CLASP2: variants seen among roughly 807,000 people sequenced by gnomAD.
CLASP2 encodes the protein cytoplasmic linker associated protein 2.
CLASP2 carries 47 observed loss-of-function variants against 194.4 expected under a neutral mutation model. That is an observed-to-expected ratio of 0.24 (90% CI 0.19 to 0.31). CLASP2 has a LOEUF of 0.31. Among genes scored for constraint, CLASP2 ranks in the 10% least tolerant of loss-of-function variants. The probability of loss-of-function intolerance (pLI) is 1.00; values close to 1 mark genes in which losing one functional copy is unlikely to be tolerated. For missense variants in CLASP2, 1,445 were observed against 1,823.6 expected, an observed-to-expected ratio of 0.79 and a Z score of 3.78; for synonymous variants, 619 against 633.5, an observed-to-expected ratio of 0.98 and a Z score of 0.34.
At chr3:33,610,012 A>AT (rs1276406990) in intron 13 of CLASP2, among the ~76,000 whole-genome samples, 5 of 152,176 alleles carry the variant, frequency 3.3e-5, no homozygotes, top group African/African-American at 1.2e-4. Context: ...TCTATATCCA[A>AT]TTATCAAGTC....
Position 33,517,148 on chromosome 3 carries a change from C to A in CLASP2, c.3814G>T (p.Val1272Phe). The change falls in exon 35 of 39, where the codon GTT (valine) becomes TTT (phenylalanine). Residue 1272 changes from valine (V) to phenylalanine (F), a missense_variant. Physicochemically the swap from Val to Phe is conservative, Grantham distance 50. Coordinates refer to ENST00000682230, the MANE Select transcript of CLASP2 (RefSeq NM_001365631.1). ...GACAGCTCCTTCAACAACTCTGCAA[C>A]TAGGTCAGAATGATCTAGGGAAAGA... Reference protein sequence around the residue: ...DDLSLDHSDLVAELLKELSNH... With the variant: ...DDLSLDHSDLFAELLKELSNH... The A allele has an allele frequency of 6.2e-7, 1 of 1,612,972 alleles. No homozygotes were observed. The highest frequency in any genetic ancestry group is 8.5e-7 in the Non-Finnish European group (1 of 1,179,588).
intron 6 of CLASP2, among the ~76,000 whole-genome samples, chr3:33,667,406 CAAAAAAAAAA>C (rs537846651): frequency 2.3e-5 from 1 of 44,148 alleles, no homozygotes; most frequent in Admixed American, 2.9e-4. Context: ...GAGACTATCT[CAAAAAAAAAA>C]AAAAAAAAAA....
intron 21 of CLASP2, 100 bp from the exon 22 acceptor site, chr3:33,585,020 G>T: frequency 1.0e-6 from 1 of 998,104 alleles, no homozygotes; most frequent in Non-Finnish European, 1.4e-6. Flanking sequence ...AGAGAAAACT[G>T]TGACAGTATG....
chr3:33,603,153 A>G (rs372797740), intron 17 of CLASP2, 28 bp from the exon 18 acceptor site: 546 of 1,514,490 alleles, frequency 3.6e-4, no homozygotes, highest in Non-Finnish European at 4.6e-4. Flanking sequence ...AAGATAACTT[A>G]TATCATTTAA....
intron 7 of CLASP2, among the ~76,000 whole-genome samples, chr3:33,661,691 T>C (rs569217906): frequency 6.6e-6 from 1 of 152,136 alleles, no homozygotes; most frequent in Non-Finnish European, 1.5e-5. Flanking sequence ...AATGGGAACG[T>C]CATCAAGGCC....
At chr3:33,669,353 G>A (rs2086739240) in intron 6 of CLASP2, among the ~76,000 whole-genome samples, 1 of 151,946 alleles carries the variant, frequency 6.6e-6, no homozygotes, top group Non-Finnish European at 1.5e-5. Flanking sequence ...CATACATTAG[G>A]GTAAGCAAAG....
intron 33 of CLASP2, among the ~76,000 whole-genome samples, chr3:33,536,048 T>C (rs894064884): frequency 6.6e-6 from 1 of 152,118 alleles, no homozygotes; most frequent in East Asian, 1.9e-4. Context: ...ATCAAAATAA[T>C]TACTACCATG....
chr3:33,667,417 A>AAAAAAAAAAAG (rs1353559233), intron 6 of CLASP2, among the ~76,000 whole-genome samples: 2 of 150,870 alleles, frequency 1.3e-5, no homozygotes, highest in East Asian at 3.9e-4. Flanking sequence ...AAAAAAAAAA[A>AAAAAAAAAAAG]AAAAAAAAAA....
chr3:33,559,324 G>T lies in CLASP2; in HGVS notation c.2992C>A (p.Gln998Lys). 1.3e-6 allele frequency: 2 copies of T among 1,585,782 alleles called. No homozygotes were observed. The highest frequency in any genetic ancestry group is 1.7e-6 in the Non-Finnish European group (2 of 1,159,266). Residue 998 changes from glutamine to lysine, a missense_variant, in exon 29 of 39, where the codon CAG becomes AAG. Gln to Lys is a moderately conservative substitution (Grantham distance 53). This residue lies in a region of CLASP2 where 732 missense variants were observed against 987.9 expected (regional missense o/e 0.74). Transcript: ENST00000682230. The part of the protein sequence containing the change: ...ILMRFTVDQT[Q>K]TPSLKVKVAI... ...AGTTTTACCTTTAAGCTTGGTGTCTGGGTCTGATCAACTGTAAATCTCATT... is the reference window on the plus strand; with the variant it reads ...AGTTTTACCTTTAAGCTTGGTGTCTTGGTCTGATCAACTGTAAATCTCATT...
At chr3:33,515,299 T>G (rs972492547) in intron 36 of CLASP2, among the ~76,000 whole-genome samples, 1 of 152,156 alleles carries the variant, frequency 6.6e-6, no homozygotes, top group East Asian at 1.9e-4. Flanking sequence ...ATGTCACTGG[T>G]GAAGAAGGGG....
intron 1 of CLASP2, among the ~76,000 whole-genome samples, chr3:33,698,530 C>T (rs1446984787): frequency 6.6e-6 from 1 of 152,056 alleles, no homozygotes; most frequent in Non-Finnish European, 1.5e-5. Flanking sequence ...GGCAAGAACA[C>T]GAAGAAGAAT....
At chr3:33,629,262 G>A (rs1006004037) in intron 9 of CLASP2, among the ~76,000 whole-genome samples, 2 of 152,146 alleles carry the variant, frequency 1.3e-5, no homozygotes, top group African/African-American at 2.4e-5. Context: ...ACCCAGCCAC[G>A]TTAAGAGATA....
Position 33,566,586 on chromosome 3 carries a change from T to C in CLASP2, c.2766+146A>G, listed in dbSNP as rs2062774221. ...AAAAGCATATCTCCAAACAGAATGA[T>C]AGTTTGCATAACTGCAAATAGCATT... On this transcript the variant is annotated intron_variant, in intron 27 of 38. Transcript: ENST00000682230. The C allele has an allele frequency of 3.7e-5, 10 of 273,532 alleles. No homozygotes were observed. The Admixed American group carries it at 4.5e-4, about 12-fold the overall frequency. 16.9% of individuals were successfully genotyped at this position (273,532 alleles called of 1,614,324 possible).
intron 16 of CLASP2, 110 bp from the exon 17 acceptor site, chr3:33,604,319 T>TA: frequency 2.1e-5 from 16 of 758,772 alleles, no homozygotes; most frequent in Admixed American, 5.3e-5. Context: ...ATTTCTTTTT[T>TA]CTTTTTTTTT....
At position 33,551,979 on chromosome 3, in the gene CLASP2, T is replaced by C. The variant is rs564892463; in HGVS notation, c.3010-584A>G. ...TTTGGTAAAACACAGACTCACACAA[T>C]GAGATGAGGTTCCTTAATGAGTCCA... On this transcript the variant is annotated intron_variant, in intron 29 of 38. Transcript: ENST00000682230. Among the ~76,000 whole-genome samples the C allele has an allele frequency of 1.2e-4, 17 of 144,980 alleles. No individual in the cohort carries two copies. In the South Asian group the frequency reaches 3.5e-3, roughly 30 times the overall value.
At chr3:33,672,775 T>G (rs1014652919) in intron 6 of CLASP2, among the ~76,000 whole-genome samples, 1 of 152,108 alleles carries the variant, frequency 6.6e-6, no homozygotes, top group African/African-American at 2.4e-5. Flanking sequence ...AAGCCCAGGC[T>G]CGAGAACTAC....
Position 33,503,726 on chromosome 3 carries a change from C to A in CLASP2, c.4318-1958G>T, listed in dbSNP as rs559628395. 2.0e-5 allele frequency: 3 copies of A among 152,232 alleles called. No individual in the cohort carries two copies. The East Asian group carries it at 5.8e-4, about 29-fold the overall frequency. 9.4% of individuals were successfully genotyped at this position (152,232 alleles called of 1,614,324 possible). On this transcript the variant is annotated intron_variant, in intron 37 of 38. Transcript: ENST00000682230. ...TACAGGTGTGAGCCACCGTGCCCGG[C>A]CTTTATGTTAACTTTTTGAGGAACT... is the stretch of plus-strand genomic sequence containing the variant.
At chr3:33,677,469 C>CTG (rs2088931907) in intron 6 of CLASP2, among the ~76,000 whole-genome samples, 1 of 149,782 alleles carries the variant, frequency 6.7e-6, no homozygotes, top group Non-Finnish European at 1.5e-5. Flanking sequence ...AAACCAAACA[C>CTG]CGCGTATTCT....
At position 33,688,300 on chromosome 3, in the gene CLASP2, C is replaced by A. The variant is rs760626781; in HGVS notation, c.447G>T (p.Leu149=). The change falls in exon 4 of 39, where the codon CTG becomes CTT. Residue 149 remains leucine, a synonymous_variant. Coordinates refer to ENST00000682230, the MANE Select transcript of CLASP2 (RefSeq NM_001365631.1). ...KNFRSREGVC[L]CLIETLNIFG... ...ACATGTTTAAGGTTTCAATAAGACA[C>A]AGACACACGCCTTCTCGAGATCGAA... 1 of 1,587,810 alleles carries A rather than the reference C, an allele frequency of 6.3e-7. No individual in the cohort carries two copies. The highest frequency in any genetic ancestry group is 1.8e-5 in the Admixed American group (1 of 56,492).
Sources: allele counts gnomAD v4.1 joint callset (sites outside exome capture counted in the v4.1 genomes callset), GRCh38; gene constraint gnomAD v4.1.1; regional missense constraint gnomAD v4.1.1; transcripts MANE v1.5; gene names NCBI Gene and HGNC (gene_info 2026-07-23, HGNC 2026-07-21).